Variants in SMO observed in about 807,000 individuals in gnomAD.
SMO encodes the protein protein smoothened.
In SMO, 40 loss-of-function variants were observed where a neutral mutation model predicts 81.6. The ratio of observed to expected loss-of-function variants is 0.49; its 90% CI spans 0.38 to 0.64. The LOEUF (loss-of-function observed/expected upper bound fraction) is 0.64, where lower values mean the gene tolerates loss of function less well. Among genes scored for constraint, SMO ranks in the 30% least tolerant of loss-of-function variants. The pLI is 0.00. For missense variants in SMO, 916 were observed against 1,061.1 expected (o/e 0.86, Z 1.90); for synonymous variants, 434 against 432.1 (o/e 1.00, Z -0.05).
rs1199785269 is a variant in SMO at position 129,211,042 on chromosome 7, A to G, written c.1730A>G (p.His577Arg). 6.8e-6 allele frequency: 11 copies of G among 1,614,068 alleles called. No individual in the cohort carries two copies. The highest frequency in any genetic ancestry group is 9.3e-6 in the Non-Finnish European group (11 of 1,179,984). ...ATTGCCAAGGCCTTCTCTAAGCGGC[A>G]CGAGCTCCTGCAGAACCCAGGCCAG... ...KMIAKAFSKR[H>R]ELLQNPGQEL... The change falls in exon 10 of 12, where the codon CAC (histidine) becomes CGC (arginine). Residue 577 changes from histidine (H) to arginine (R), a missense_variant. By Grantham distance (29) the His-to-Arg change is conservative (BLOSUM62 0). Transcript: ENST00000249373. This position sits in a 1 kb window ranked among gnomAD's most constrained non-coding sequence, Gnocchi z 4.6.
chr7:129,205,495 T>C lies in SMO; in HGVS notation c.747+83T>C, dbSNP rs192225906. On this transcript the variant is annotated intron_variant, in intron 3 of 11. Transcript: ENST00000249373. Reference sequence around the variant, plus strand: ...CAGAGGGAAGGGGGGCAAAGAGGTCTTGGTGGGGGTCCCCAGGGAAGGGTC... The same window carrying C: ...CAGAGGGAAGGGGGGCAAAGAGGTCCTGGTGGGGGTCCCCAGGGAAGGGTC... 559 of 1,532,488 alleles carry C rather than the reference T, an allele frequency of 3.6e-4. 3 individuals are homozygous for C. The African/African-American group carries it at 7.0e-3, about 19-fold the overall frequency. 94.9% of individuals were successfully genotyped at this position (1,532,488 alleles called of 1,614,324 possible).
chr7:129,205,884 A>T, intron 4 of SMO, 102 bp downstream of exon 4: 4 of 1,084,770 alleles, frequency 3.7e-6, no homozygotes, highest in Non-Finnish European at 5.4e-6. Context: ...GATCCAGGGC[A>T]GGATCTGGCT....
rs372012360 is a variant in SMO at position 129,208,707 on chromosome 7, C to G, written c.1265-52C>G. 57 of 1,179,776 alleles carry G rather than the reference C, an allele frequency of 4.8e-5. No homozygotes were observed. Among genetic ancestry groups the G allele is most frequent in the Non-Finnish European group, 7.0e-5 (55 of 789,266 alleles). The allele number at this position is 1,179,776 out of a possible 1,614,324, so 73.1% of individuals were successfully genotyped here. On this transcript the variant is annotated intron_variant, in intron 6 of 11. Transcript: ENST00000249373. This position sits in a 1 kb window ranked among gnomAD's most constrained non-coding sequence, Gnocchi z 5.2. ...CCCTCCTCCCACTCACCCATCCTTC[C>G]CAGCAGGGCAGCCTCACCCCTGCTA...
Position 129,212,470 on chromosome 7 carries a change from G to T in SMO, c.*19G>T, listed in dbSNP as rs1279709932. 6.2e-7 allele frequency: 1 copy of T among 1,601,870 alleles called. No individual in the cohort carries two copies. ...CTTCTGAGCCTGCAGAGCAGGACCT[G>T]GGACAGGAAAGAGAGGAACCAATAC... On this transcript the variant is annotated 3_prime_UTR_variant, in exon 12 of 12. Transcript: ENST00000249373. This position sits in a 1 kb window ranked among gnomAD's most constrained non-coding sequence, Gnocchi z 5.0.
chr7:129,210,212 A>G lies in SMO; in HGVS notation c.1467-151A>G. On this transcript the variant is annotated intron_variant, in intron 8 of 11. Transcript: ENST00000249373. This position sits in a 1 kb window ranked among gnomAD's most constrained non-coding sequence, Gnocchi z 4.7. ...TCCCAGCTACTTGGGAGGCTGAAGC[A>G]GGAGATTGCCTGAGCCCAGGAGTTG... 3.2e-6 allele frequency: 2 copies of G among 619,742 alleles called. No homozygotes were observed. The highest frequency in any genetic ancestry group is 2.0e-5 in the South Asian group (1 of 51,082). The allele number at this position is 619,742 out of a possible 1,614,324, so 38.4% of individuals were successfully genotyped here.
At chr7:129,205,103 A>G in intron 2 of SMO, 100 bp from the exon 3 acceptor site, 1 of 1,017,372 alleles carries the variant, frequency 9.8e-7, no homozygotes, top group South Asian at 1.4e-5. Flanking sequence ...CTGGAAGTGT[A>G]TCTCCAGCCA....
In SMO at chr7:129,190,652, G is replaced by A. The variant is rs1793468660; in HGVS notation, c.331+1170G>A. Among the ~76,000 whole-genome samples the A allele has an allele frequency of 3.3e-5, 5 of 152,234 alleles. No homozygotes were observed. In the South Asian group the frequency reaches 8.3e-4, roughly 25 times the overall value. On this transcript the variant is annotated intron_variant, in intron 1 of 11. Coordinates refer to ENST00000249373, the MANE Select transcript of SMO (RefSeq NM_005631.5). Reference sequence around the variant, plus strand: ...TGTCAGATGTTGGACAAGGCCATAAGGTTCCTGGCTTGGTGCAGATGCTGG... The same window carrying A: ...TGTCAGATGTTGGACAAGGCCATAAAGTTCCTGGCTTGGTGCAGATGCTGG...
At position 129,210,642 on chromosome 7, in the gene SMO, A is replaced by G; in HGVS notation, c.1652+94A>G. ...TTTTGTCGGGTCCTGCCTCTAGCACAGCCTTGGTCAGTGGTTCACCGCTGC... is the reference window on the plus strand; with the variant it reads ...TTTTGTCGGGTCCTGCCTCTAGCACGGCCTTGGTCAGTGGTTCACCGCTGC... On this transcript the variant is annotated intron_variant, in intron 9 of 11. Transcript: ENST00000249373. This position sits in a 1 kb window ranked among gnomAD's most constrained non-coding sequence, Gnocchi z 4.7. The G allele has an allele frequency of 9.7e-7, 1 of 1,029,078 alleles. No homozygotes were observed. The highest frequency in any genetic ancestry group is 1.5e-6 in the Non-Finnish European group (1 of 687,696). The allele number at this position is 1,029,078 out of a possible 1,614,324, so 63.7% of individuals were successfully genotyped here.
chr7:129,205,136 C>G, intron 2 of SMO, 67 bp from the exon 3 acceptor site: 2 of 1,405,442 alleles, frequency 1.4e-6, no homozygotes, highest in Non-Finnish European at 2.0e-6. Flanking sequence ...ACCTAGATAC[C>G]TTTCCCTAAA....
At chr7:129,199,433 C>T (rs528220433) in intron 1 of SMO, among the ~76,000 whole-genome samples, 6 of 152,230 alleles carry the variant, frequency 3.9e-5, no homozygotes, top group Admixed American at 2.6e-4. Flanking sequence ...CCACCTGCCT[C>T]GGCCTCCCAA....
chr7:129,209,209 A>G (rs1278458020), intron 7 of SMO, 80 bp from the exon 8 acceptor site: 2 of 831,500 alleles, frequency 2.4e-6, no homozygotes, highest in Non-Finnish European at 4.2e-6. Context: ...TTTGAGGCCC[A>G]GTGGGGCAGA....
At position 129,210,455 on chromosome 7, in the gene SMO, T is replaced by C. The variant is rs750029091; in HGVS notation, c.1559T>C (p.Ile520Thr). The C allele has an allele frequency of 8.7e-6, 14 of 1,614,184 alleles. No individual in the cohort carries two copies. The highest frequency in any genetic ancestry group is 1.2e-5 in the Non-Finnish European group (14 of 1,180,014). ...CGCCCGAGCCTTCTGGTGGAGAAGA[T>C]CAACCTGTTTGCCATGTTTGGAACT... ...KNRPSLLVEK[I>T]NLFAMFGTGI... The change falls in exon 9 of 12, where the codon ATC becomes ACC. Residue 520 changes from isoleucine (I) to threonine (T), a missense_variant. Coordinates refer to ENST00000249373, the MANE Select transcript of SMO (RefSeq NM_005631.5). The surrounding 1 kb of genome is among the most constrained non-coding windows in gnomAD (Gnocchi z 4.7).
intron 6 of SMO, among the ~76,000 whole-genome samples, chr7:129,207,835 G>A (rs755628672): frequency 3.3e-5 from 5 of 152,130 alleles, no homozygotes; most frequent in Non-Finnish European, 7.4e-5. Flanking sequence ...TGAGGCTGCA[G>A]TGAGCCATGA....
Position 129,211,619 on chromosome 7 carries a change from TC to T in SMO, c.1802-15del. Reference sequence around the variant, plus strand: ...AAGTCACTATTCCTTCTCCTTTCCTTCCTTCCATTCCCACAGCGGGCTTGGC... The same window carrying T: ...AAGTCACTATTCCTTCTCCTTTCCTTCTTCCATTCCCACAGCGGGCTTGGC... On this transcript the variant is annotated splice_polypyrimidine_tract_variant and intron_variant, in intron 10 of 11. Coordinates refer to ENST00000249373, the MANE Select transcript of SMO (RefSeq NM_005631.5). This position sits in a 1 kb window ranked among gnomAD's most constrained non-coding sequence, Gnocchi z 4.6. 1 of 1,611,304 alleles carries T rather than the reference TC, an allele frequency of 6.2e-7. No individual in the cohort carries two copies. Among genetic ancestry groups the T allele is most frequent in the Non-Finnish European group, 8.5e-7 (1 of 1,179,244 alleles).
chr7:129,205,016 AAAAG>A (rs10668861), intron 2 of SMO, among the ~76,000 whole-genome samples, 183 bp from the exon 3 acceptor site: 41 of 151,202 alleles, frequency 2.7e-4, no homozygotes, highest in African/African-American at 9.2e-4. Flanking sequence ...AAGAAAGAAA[AAAAG>A]AAAGAAAGAA....
chr7:129,195,102 C>G (rs1793550317), intron 1 of SMO, among the ~76,000 whole-genome samples: 3 of 152,104 alleles, frequency 2.0e-5, no homozygotes, highest in Admixed American at 2.0e-4. Flanking sequence ...AGTTGTTTAC[C>G]CATTTTATTG....
rs2150637691 is a variant in SMO at position 129,189,145 on chromosome 7, G to A, written c.-7G>A. 2 of 1,193,170 alleles carry A rather than the reference G, an allele frequency of 1.7e-6. No homozygotes were observed. Among genetic ancestry groups the A allele is most frequent in the Middle Eastern group, 3.2e-4 (1 of 3,104 alleles). 73.9% of individuals were successfully genotyped at this position (1,193,170 alleles called of 1,614,324 possible). A position where few individuals can be genotyped will look rare whatever the true frequency, so the allele number is the denominator to read the frequency against. Reference sequence around the variant, plus strand: ...CCGGGGCTTTTGCTGAGTTGGCGGGGTTGGCCATGGCCGCTGCCCGCCCAG... The same window carrying A: ...CCGGGGCTTTTGCTGAGTTGGCGGGATTGGCCATGGCCGCTGCCCGCCCAG... On this transcript the variant is annotated 5_prime_UTR_variant, in exon 1 of 12. Transcript: ENST00000249373. The surrounding 1 kb of genome is among the most constrained non-coding windows in gnomAD (Gnocchi z 4.7).
At position 129,212,859 on chromosome 7, in the gene SMO, C is replaced by T. The variant is rs1563152512; in HGVS notation, c.*408C>T. ...TGTCTGGCAGATGAGGGCTGGCTGC[C>T]GTTTTCTGGGCTGATGGGTGCCCTT... is the stretch of plus-strand genomic sequence containing the variant. On this transcript the variant is annotated 3_prime_UTR_variant, in exon 12 of 12. Transcript: ENST00000249373. The surrounding 1 kb of genome is among the most constrained non-coding windows in gnomAD (Gnocchi z 5.0). 1 of 291,934 alleles carries T rather than the reference C, an allele frequency of 3.4e-6. No individual in the cohort carries two copies. Among genetic ancestry groups the T allele is most frequent in the East Asian group, 5.2e-5 (1 of 19,184 alleles). The allele number at this position is 291,934 out of a possible 1,614,324, so 18.1% of individuals were successfully genotyped here. A position where few individuals can be genotyped will look rare whatever the true frequency, so the allele number is the denominator to read the frequency against.
rs746244422 is a variant in SMO, at chr7:129,208,898, C to T, written c.1357+47C>T. The T allele has an allele frequency of 4.6e-6, 6 of 1,302,014 alleles. No individual in the cohort carries two copies. The highest frequency in any genetic ancestry group is 6.7e-6 in the Non-Finnish European group (6 of 901,866). The allele number at this position is 1,302,014 out of a possible 1,614,324, so 80.7% of individuals were successfully genotyped here. ...CGGTCTGAGGTCCTGGCCAGCCCAA[C>T]ACTGCACCCTCCTGGGGCTATGCGA... On this transcript the variant is annotated intron_variant, in intron 7 of 11. Transcript: ENST00000249373. The surrounding 1 kb of genome is among the most constrained non-coding windows in gnomAD (Gnocchi z 5.2).
Sources: allele counts gnomAD v4.1 joint callset (sites outside exome capture counted in the v4.1 genomes callset), GRCh38; gene constraint gnomAD v4.1.1; non-coding constraint Gnocchi (gnomAD v3.1); transcripts MANE v1.5; gene names NCBI Gene and HGNC (gene_info 2026-07-23, HGNC 2026-07-21).